ERMP1: variants seen among roughly 807,000 people sequenced by gnomAD.
The protein encoded by ERMP1 is endoplasmic reticulum metallopeptidase 1.
Under a neutral mutation model 92.0 loss-of-function variants are expected in ERMP1, and 86 were observed. The observed-to-expected ratio is 0.93, with a 90% CI of 0.79 to 1.12. The LOEUF (loss-of-function observed/expected upper bound fraction) is 1.12, where lower values mean the gene tolerates loss of function less well. Ranked by LOEUF, ERMP1 falls within the 50% of genes most tolerant of loss-of-function variation. The probability of loss-of-function intolerance (pLI) is 0.00; values close to 1 mark genes in which losing one functional copy is unlikely to be tolerated. For missense variants in ERMP1, 1,342 were observed against 1,116.3 expected (o/e 1.20, Z -2.88); for synonymous variants, 530 against 412.8 (o/e 1.28, Z -3.44).
chr9:5,860,446 C>T (rs1830452135), intron 5 of ERMP1, among the ~76,000 whole-genome samples: 1 of 152,044 alleles, frequency 6.6e-6, no homozygotes, highest in Non-Finnish European at 1.5e-5. Flanking sequence ...GCCAGCTGTA[C>T]ATTAATATAA....
At chr9:5,812,246 T>G in intron 5 of ERMP1, 29 bp from the exon 6 acceptor site, 2 of 1,312,090 alleles carry the variant, frequency 1.5e-6, no homozygotes, top group Non-Finnish European at 2.1e-6. Context: ...AAAAAAAAAG[T>G]CATTTTGCTT....
intron 10 of ERMP1, among the ~76,000 whole-genome samples, chr9:5,803,902 A>G (rs1399107393): frequency 6.6e-6 from 1 of 152,156 alleles, no homozygotes; most frequent in East Asian, 1.9e-4. Context: ...AGTACAACCA[A>G]CCTCAAACAA....
intron 2 of ERMP1, among the ~76,000 whole-genome samples, chr9:5,826,127 G>T (rs1423534820): frequency 6.6e-6 from 1 of 152,208 alleles, no homozygotes; most frequent in Non-Finnish European, 1.5e-5. Flanking sequence ...GAGGGTAGTG[G>T]TAGGAAAGAA....
chr9:5,855,837 G>C (rs1830366954), intron 6 of ERMP1: 1 of 180,070 alleles, frequency 5.6e-6, no homozygotes, highest in South Asian at 1.4e-4. Context: ...GTAGACTTAG[G>C]GCCAGATTTT....
At chr9:5,861,038 T>C (rs1391565741) in intron 5 of ERMP1, among the ~76,000 whole-genome samples, 1 of 152,182 alleles carries the variant, frequency 6.6e-6, no homozygotes, top group Non-Finnish European at 1.5e-5. Flanking sequence ...CTGTTCATTG[T>C]AATTTCCCAG....
chr9:5,831,127 T>C, intron 1 of ERMP1, 99 bp from the exon 2 acceptor site: 1 of 881,818 alleles, frequency 1.1e-6, no homozygotes, highest in Non-Finnish European at 1.8e-6. Context: ...CAAAAAAGCT[T>C]AGTTCTTTGC....
Position 5,810,068 on chromosome 9 carries a change from A to C in ERMP1, c.1491T>G (p.Thr497=). The change falls in exon 8 of 15, where the codon ACT becomes ACG. Residue 497 remains threonine, a synonymous_variant. Coordinates refer to ENST00000339450, the MANE Select transcript of ERMP1 (RefSeq NM_024896.3). The stretch of plus-strand genomic sequence containing the variant: ...TAAGTATTATTTTGGCTACAGTTGC[A>C]GTTCCATACAGACAAACGGAGACAT... ...HFYVSVCLYG[T]ATVAKIILIH... 6.2e-7 allele frequency: 1 copy of C among 1,613,924 alleles called. No individual in the cohort carries two copies. Among genetic ancestry groups the C allele is most frequent in the Non-Finnish European group, 8.5e-7 (1 of 1,179,830 alleles).
chr9:5,807,519 G>C (rs960301499), intron 8 of ERMP1, among the ~76,000 whole-genome samples: 1 of 152,182 alleles, frequency 6.6e-6, no homozygotes, highest in African/African-American at 2.4e-5. Flanking sequence ...GCCGAGGTGG[G>C]AGGATCACTT....
chr9:5,787,173 C>A lies in ERMP1; in HGVS notation c.2686G>T (p.Val896Leu). The A allele has an allele frequency of 1.9e-6, 3 of 1,613,980 alleles. No individual in the cohort carries two copies. The highest frequency in any genetic ancestry group is 2.7e-5 in the African/African-American group (2 of 75,026). Residue 896 changes from valine (V) to leucine (L), a missense_variant, in exon 15 of 15, where the codon GTG (valine) becomes TTG (leucine). Val to Leu is a conservative substitution (Grantham distance 32, BLOSUM62 1). Transcript: ENST00000339450. Reference protein sequence around the residue: ...FPDWTFPSAWVCTYDLFVF With the variant: ...FPDWTFPSAWLCTYDLFVF ...AATACAAAGAGATCGTAGGTGCACACCCAGGCAGAGGGAAATGTCCAATCT... is the reference window on the plus strand; with the variant it reads ...AATACAAAGAGATCGTAGGTGCACAACCAGGCAGAGGGAAATGTCCAATCT...
chr9:5,823,112 C>T (rs1300247762), intron 4 of ERMP1, among the ~76,000 whole-genome samples: 1 of 152,032 alleles, frequency 6.6e-6, no homozygotes, highest in Non-Finnish European at 1.5e-5. Flanking sequence ...TAATGGGAGC[C>T]TGTCTCTACA....
At chr9:5,806,957 G>A (rs554096142) in intron 8 of ERMP1, among the ~76,000 whole-genome samples, 39 of 152,226 alleles carry the variant, frequency 2.6e-4, no homozygotes, top group African/African-American at 9.4e-4. Context: ...ATGAAAGATA[G>A]GCTACAGCTG....
chr9:5,848,266 A>C (rs1029823935), intron 6 of ERMP1, among the ~76,000 whole-genome samples: 6 of 152,184 alleles, frequency 3.9e-5, no homozygotes, highest in African/African-American at 1.4e-4. Context: ...TTATGAAGGA[A>C]AGCGGGAAGT....
Position 5,787,190 on chromosome 9 carries a change from G to A in ERMP1, c.2669C>T (p.Thr890Ile), listed in dbSNP as rs778220532. 2 of 1,614,108 alleles carry A rather than the reference G, an allele frequency of 1.2e-6. No individual in the cohort carries two copies. Among genetic ancestry groups the A allele is most frequent in the Non-Finnish European group, 1.7e-6 (2 of 1,179,980 alleles). Residue 890 changes from threonine (T) to isoleucine (I), a missense_variant, in exon 15 of 15, where the codon ACA becomes ATA. By Grantham distance (89) the Thr-to-Ile change is moderately conservative. Coordinates refer to ENST00000339450, the MANE Select transcript of ERMP1 (RefSeq NM_024896.3). ...DALKEKFPDWTFPSAWVCTYD... is the reference protein window; with the variant it reads ...DALKEKFPDWIFPSAWVCTYD... Reference sequence around the variant, plus strand: ...GGTGCACACCCAGGCAGAGGGAAATGTCCAATCTGGGAACTTTTCCTTCAG... The same window carrying A: ...GGTGCACACCCAGGCAGAGGGAAATATCCAATCTGGGAACTTTTCCTTCAG...
chr9:5,821,736 G>A (rs1279720919), intron 4 of ERMP1, among the ~76,000 whole-genome samples: 1 of 152,190 alleles, frequency 6.6e-6, no homozygotes, highest in African/African-American at 2.4e-5. Flanking sequence ...TAGGGGCAAG[G>A]TGCTGTGCTA....
Position 5,798,830 on chromosome 9 carries a change from TACCA to T in ERMP1, c.2242_2245del (p.Trp748IlefsTer7). On this transcript the variant is annotated frameshift_variant, in exon 12 of 15. Coordinates refer to ENST00000339450, the MANE Select transcript of ERMP1 (RefSeq NM_024896.3). LOFTEE classifies it high-confidence loss of function. ...CCTGATCAGAAAGTGCACTGGAAGA[TACCA>T]AGGAAAACCACAAAGAGGTGCATTC... is the stretch of plus-strand genomic sequence containing the variant. 6.2e-7 allele frequency: 1 copy of T among 1,613,620 alleles called. No homozygotes were observed. Among genetic ancestry groups the T allele is most frequent in the Non-Finnish European group, 8.5e-7 (1 of 1,179,668 alleles).
intron 6 of ERMP1, among the ~76,000 whole-genome samples, chr9:5,851,327 T>C (rs1023741740): frequency 1.3e-5 from 2 of 152,264 alleles, no homozygotes; most frequent in African/African-American, 4.8e-5. Flanking sequence ...TCTGTTTACC[T>C]ATTTTTTACA....
chr9:5,825,801 C>G lies in ERMP1; in HGVS notation c.641-582G>C, dbSNP rs535526141. 5.9e-5 allele frequency among the ~76,000 whole-genome samples: 9 copies of G among 152,250 alleles called. No homozygotes were observed. The South Asian group carries it at 1.9e-3, about 32-fold the overall frequency. ...AAGTCACAGGAAAGGAGACTAATGA[C>G]CTAAGTAGTATCCTAGGTCCCAGAA... On this transcript the variant is annotated intron_variant, in intron 2 of 14. Transcript: ENST00000339450.
intron 5 of ERMP1, among the ~76,000 whole-genome samples, chr9:5,866,273 T>C (rs1830658082): frequency 6.6e-6 from 1 of 152,234 alleles, no homozygotes. Context: ...TCGAACAGGA[T>C]ATATTGTTTG....
chr9:5,805,167 A>G lies in ERMP1; in HGVS notation c.1774T>C (p.Tyr592His). 2 of 1,613,256 alleles carry G rather than the reference A, an allele frequency of 1.2e-6. No individual in the cohort carries two copies. Among genetic ancestry groups the G allele is most frequent in the Non-Finnish European group, 1.7e-6 (2 of 1,179,824 alleles). The change falls in exon 10 of 15, where the codon TAT becomes CAT. Residue 592 changes from tyrosine (Y) to histidine (H), a missense_variant. Coordinates refer to ENST00000339450, the MANE Select transcript of ERMP1 (RefSeq NM_024896.3). ...CAGATGAGGTACAATGCATAAAGAT[A>G]AGGAATAAACATCCCCAAAAGGTAA... ...AFYLLGMFIP[Y>H]LYALYLIWAV...
Sources: allele counts gnomAD v4.1 joint callset (sites outside exome capture counted in the v4.1 genomes callset), GRCh38; gene constraint gnomAD v4.1.1; transcripts MANE v1.5; gene names NCBI Gene and HGNC (gene_info 2026-07-23, HGNC 2026-07-21).